Variants in BTBD9 observed in about 807,000 individuals in gnomAD.
BTBD9 encodes BTB domain containing 9, also known as BTB/POZ domain-containing protein 9.
In BTBD9, 49 loss-of-function variants were observed where a neutral mutation model predicts 64.3. The observed-to-expected ratio is 0.76, with a 90% CI of 0.61 to 0.97. BTBD9 has a LOEUF of 0.97. Among genes scored for constraint, BTBD9 ranks in the 50% least tolerant of loss-of-function variants. The pLI is 0.00. For missense variants in BTBD9, 598 were observed against 762.1 expected, an observed-to-expected ratio of 0.78 and a Z score of 2.53; for synonymous variants, 260 against 274.7, an observed-to-expected ratio of 0.95 and a Z score of 0.53.
chr6:38,597,519 A>G (rs912547944), intron 2 of BTBD9, among the ~76,000 whole-genome samples: 1 of 152,176 alleles, frequency 6.6e-6, no homozygotes, highest in African/African-American at 2.4e-5. Context: ...CTAGACCTCA[A>G]ACCAAGGGGT....
At chr6:38,264,861 G>A (rs983032734) in intron 8 of BTBD9, among the ~76,000 whole-genome samples, 2 of 152,134 alleles carry the variant, frequency 1.3e-5, no homozygotes, top group African/African-American at 4.8e-5. Context: ...AACCCCTGAG[G>A]TGTTGCCACT....
chr6:38,313,658 TTGATA>T (rs759746933), intron 7 of BTBD9, among the ~76,000 whole-genome samples: 3 of 152,228 alleles, frequency 2.0e-5, no homozygotes, highest in Non-Finnish European at 4.4e-5. Flanking sequence ...TCCTTTATTA[TTGATA>T]TGATATATCA....
At chr6:38,422,898 A>T (rs1767970646) in intron 6 of BTBD9, among the ~76,000 whole-genome samples, 1 of 152,044 alleles carries the variant, frequency 6.6e-6, no homozygotes, top group African/African-American at 2.4e-5. Flanking sequence ...CCCGGAAGTC[A>T]TGATCAGCCT....
At chr6:38,396,514 T>C (rs531194872) in intron 6 of BTBD9, among the ~76,000 whole-genome samples, 48 of 152,242 alleles carry the variant, frequency 3.2e-4, no homozygotes, top group African/African-American at 1.1e-3. Context: ...CTGTGTGTCT[T>C]GCCATGACCA....
Position 38,562,113 on chromosome 6 carries a change from C to T in BTBD9, c.1154+15487G>A, listed in dbSNP as rs149035612. On this transcript the variant is annotated intron_variant, in intron 6 of 10. Transcript: ENST00000481247. ...AAATTATGATGTGGACTCCTTCAGA[C>T]CCAGATTCTGTAGGGTACATTTAAA... Among the ~76,000 whole-genome samples the T allele has an allele frequency of 1.3e-3, 191 of 152,300 alleles. 1 individual carries two copies. The highest frequency in any genetic ancestry group is 0.01 in the Middle Eastern group (3 of 294).
At chr6:38,492,968 A>G (rs537791676) in intron 6 of BTBD9, among the ~76,000 whole-genome samples, 70 of 152,338 alleles carry the variant, frequency 4.6e-4, no homozygotes, top group Non-Finnish European at 8.7e-4. Context: ...AAAATAAGAT[A>G]CTTCTGCATT....
chr6:38,183,774 A>G (rs1235742751), intron 10 of BTBD9, among the ~76,000 whole-genome samples: 1 of 152,200 alleles, frequency 6.6e-6, no homozygotes, highest in Non-Finnish European at 1.5e-5. Flanking sequence ...TGGCAGTCAC[A>G]GCCTTGATGC....
At chr6:38,565,538 T>C (rs1399709064) in intron 6 of BTBD9, among the ~76,000 whole-genome samples, 1 of 150,130 alleles carries the variant, frequency 6.7e-6, no homozygotes, top group Non-Finnish European at 1.5e-5. Flanking sequence ...TTCTATGAAA[T>C]TGTGATATCT....
chr6:38,199,005 G>A (rs112487682), intron 9 of BTBD9, among the ~76,000 whole-genome samples: 2,583 of 152,254 alleles, frequency 0.017, 53 homozygotes, highest in African/African-American at 0.058. Context: ...TGTGCAGGGG[G>A]CTGAACCAGG....
intron 9 of BTBD9, among the ~76,000 whole-genome samples, chr6:38,206,406 A>C (rs1762653434): frequency 6.6e-6 from 1 of 151,884 alleles, no homozygotes; most frequent in Admixed American, 6.6e-5. Flanking sequence ...ATGCCCAGCT[A>C]ATTTTTGTAT....
At chr6:38,201,880 C>A (rs970143266) in intron 9 of BTBD9, among the ~76,000 whole-genome samples, 14 of 152,100 alleles carry the variant, frequency 9.2e-5, no homozygotes, top group African/African-American at 3.4e-4. Flanking sequence ...ATAAATTTAA[C>A]CAAGGAGGTG....
intron 7 of BTBD9, among the ~76,000 whole-genome samples, chr6:38,298,993 C>A (rs529329552): frequency 6.6e-6 from 1 of 152,106 alleles, no homozygotes; most frequent in African/African-American, 2.4e-5. Flanking sequence ...CCTCCGAATG[C>A]TATCCCTCTC....
intron 6 of BTBD9, among the ~76,000 whole-genome samples, chr6:38,353,041 T>A (rs1336806874): frequency 6.6e-6 from 1 of 152,220 alleles, no homozygotes; most frequent in African/African-American, 2.4e-5. Context: ...ATAGACAAAG[T>A]TGCTAAATTA....
chr6:38,193,807 G>C, intron 9 of BTBD9: 1 of 985,246 alleles, frequency 1.0e-6, no homozygotes, highest in Non-Finnish European at 1.2e-6. Context: ...ATATGTATTT[G>C]CAGTTTGTTT....
chr6:38,310,995 G>A (rs1482048937), intron 7 of BTBD9, among the ~76,000 whole-genome samples: 1 of 152,120 alleles, frequency 6.6e-6, no homozygotes, highest in Non-Finnish European at 1.5e-5. Context: ...AGTTTTAGTA[G>A]AGACGGGGTT....
intron 7 of BTBD9, among the ~76,000 whole-genome samples, chr6:38,292,410 C>G (rs1253869831): frequency 6.6e-6 from 1 of 152,130 alleles, no homozygotes; most frequent in Non-Finnish European, 1.5e-5. Flanking sequence ...CCTCTTTGTA[C>G]CTCTGGTAGA....
intron 1 of BTBD9, among the ~76,000 whole-genome samples, chr6:38,637,111 C>A (rs150447533): frequency 6.6e-6 from 1 of 152,182 alleles, no homozygotes; most frequent in Non-Finnish European, 1.5e-5. Flanking sequence ...TGTTCCCTAT[C>A]AGTTTTTTCT....
At chr6:38,531,149 G>A (rs552875920) in intron 6 of BTBD9, among the ~76,000 whole-genome samples, 1 of 152,232 alleles carries the variant, frequency 6.6e-6, no homozygotes, top group African/African-American at 2.4e-5. Context: ...TCAACCCAAA[G>A]AAGACTACCT....
chr6:38,479,305 G>A (rs1466608504), intron 6 of BTBD9, among the ~76,000 whole-genome samples: 4 of 152,078 alleles, frequency 2.6e-5, no homozygotes, highest in Non-Finnish European at 4.4e-5. Context: ...CTGGTTAAGC[G>A]AGCACTGACC....
Sources: gnomAD v4.1 joint callset for allele counts (sites outside exome capture counted in the v4.1 genomes callset) on GRCh38, gnomAD v4.1.1 for gene constraint, MANE v1.5 for transcripts, NCBI Gene and HGNC (gene_info 2026-07-23, HGNC 2026-07-21) for gene names.